The following WIPF3 variants were observed in gnomAD, a reference collection of about 807,000 sequenced individuals.
WIPF3 encodes WAS/WASL interacting protein family member 3, also known as WAS/WASL-interacting protein family member 3.
A neutral mutation model predicts 38.9 loss-of-function variants in WIPF3; 33 were observed. The ratio of observed to expected loss-of-function variants is 0.85; its 90% CI spans 0.64 to 1.14. The LOEUF is 1.14. Ranked by LOEUF, WIPF3 falls within the 50% of genes most tolerant of loss-of-function variation. WIPF3 has a pLI of 0.00. For missense variants in WIPF3, 711 were observed against 652.5 expected (o/e 1.09, Z -0.98); for synonymous variants, 324 against 269.3 (o/e 1.20, Z -1.99).
intron 2 of WIPF3, among the ~76,000 whole-genome samples, chr7:29,835,998 C>G (rs1784793622): frequency 6.6e-6 from 1 of 152,184 alleles, no homozygotes; most frequent in South Asian, 2.1e-4. Flanking sequence ...AGATGTCACC[C>G]CACGTGACAT....
At chr7:29,819,012 C>G (rs1784497933) in intron 1 of WIPF3, among the ~76,000 whole-genome samples, 1 of 152,120 alleles carries the variant, frequency 6.6e-6, no homozygotes, top group South Asian at 2.1e-4. Context: ...TTCATTTATG[C>G]TTATTATTTT....
rs897197764 is a variant in WIPF3, at chr7:29,915,417, T to C, written c.*901T>C. 7 of 152,220 alleles carry C rather than the reference T, an allele frequency of 4.6e-5. No homozygotes were observed. Among genetic ancestry groups the C allele is most frequent in the African/African-American group, 1.7e-4 (7 of 41,440 alleles). The allele number at this position is 152,220 out of a possible 1,614,324, so 9.4% of individuals were successfully genotyped here. ...TCCCCTTCTGCCCTTGCTTCGAGTG[T>C]GGACTTCCATGGAAAATATGACATG... On this transcript the variant is annotated 3_prime_UTR_variant, in exon 9 of 9. Transcript: ENST00000242140.
At chr7:29,888,500 C>CAT (rs1554347977) in intron 6 of WIPF3, among the ~76,000 whole-genome samples, 7 of 138,686 alleles carry the variant, frequency 5.0e-5, no homozygotes, top group South Asian at 2.2e-4. Flanking sequence ...TGTGCGTGTG[C>CAT]GTGTGTGTGC....
At chr7:29,863,063 T>C (rs928281266) in intron 2 of WIPF3, among the ~76,000 whole-genome samples, 12 of 152,220 alleles carry the variant, frequency 7.9e-5, no homozygotes, top group Non-Finnish European at 1.6e-4. Flanking sequence ...TTTGTTTTTA[T>C]TTATTTATTT....
rs1562791334 is a variant in WIPF3 at position 29,904,272 on chromosome 7, CT to C, written c.1352-8del. On this transcript the variant is annotated splice_polypyrimidine_tract_variant and intron_variant, in intron 7 of 8. Coordinates refer to ENST00000242140, the MANE Select transcript of WIPF3 (RefSeq NM_001080529.3). ...TGGGCCAATAGATAATGAGATTGTT[CT>C]TTTTTCCTTCAGGCCGTACACCTGG... 6.8e-6 allele frequency: 11 copies of C among 1,613,348 alleles called. No individual in the cohort carries two copies. The South Asian group carries it at 1.2e-4, about 18-fold the overall frequency.
At chr7:29,894,789 G>A (rs1446576201) in intron 7 of WIPF3, among the ~76,000 whole-genome samples, 2 of 135,796 alleles carry the variant, frequency 1.5e-5, no homozygotes, top group Non-Finnish European at 3.2e-5. Flanking sequence ...ACACACACAC[G>A]ACACACACAC....
At chr7:29,891,460 C>A (rs1786020546) in intron 7 of WIPF3, among the ~76,000 whole-genome samples, 1 of 152,206 alleles carries the variant, frequency 6.6e-6, no homozygotes, top group Admixed American at 6.5e-5. Flanking sequence ...AGAGATATAA[C>A]CCTGTGTGCC....
chr7:29,818,511 A>T (rs1042729905), intron 1 of WIPF3, among the ~76,000 whole-genome samples: 6 of 148,532 alleles, frequency 4.0e-5, no homozygotes, highest in African/African-American at 1.5e-4. Context: ...TATTTGATTT[A>T]ATTCTATAAA....
chr7:29,883,816 T>C (rs1785773045), intron 4 of WIPF3, 34 bp from the exon 5 acceptor site: 3 of 1,511,398 alleles, frequency 2.0e-6, no homozygotes, highest in East Asian at 2.3e-5. Context: ...CCTTCTTTAT[T>C]GCCGAGCTAA....
intron 1 of WIPF3, among the ~76,000 whole-genome samples, chr7:29,821,189 A>T (rs1021178699): frequency 2.0e-5 from 3 of 152,222 alleles, no homozygotes; most frequent in Non-Finnish European, 4.4e-5. Flanking sequence ...ATAAACTTTT[A>T]GGTCACACAT....
At chr7:29,841,744 G>A (rs572089818) in intron 2 of WIPF3, among the ~76,000 whole-genome samples, 4 of 152,152 alleles carry the variant, frequency 2.6e-5, no homozygotes, top group South Asian at 2.1e-4. Flanking sequence ...CCCAAGAGGC[G>A]GAGGTTGCAG....
chr7:29,831,504 T>G (rs1784721608), intron 1 of WIPF3, among the ~76,000 whole-genome samples: 1 of 152,250 alleles, frequency 6.6e-6, no homozygotes, highest in Admixed American at 6.5e-5. Flanking sequence ...ATCATCACGC[T>G]CTGTGTTCAT....
chr7:29,901,922 T>C (rs1325366650), intron 7 of WIPF3, among the ~76,000 whole-genome samples: 1 of 151,034 alleles, frequency 6.6e-6, no homozygotes, highest in Non-Finnish European at 1.5e-5. Flanking sequence ...TATTGCCTAG[T>C]GGTTCCCAAA....
chr7:29,879,690 C>T (rs79668147), intron 4 of WIPF3, among the ~76,000 whole-genome samples: 1 of 152,176 alleles, frequency 6.6e-6, no homozygotes, highest in Non-Finnish European at 1.5e-5. Flanking sequence ...GGTAGCTTTG[C>T]TAATCTTATA....
chr7:29,822,598 A>G (rs1437419065), intron 1 of WIPF3, among the ~76,000 whole-genome samples: 1 of 152,126 alleles, frequency 6.6e-6, no homozygotes, highest in Admixed American at 6.5e-5. Flanking sequence ...TTTCTTTGCC[A>G]AGGAGCTAGT....
At chr7:29,845,573 G>A (rs879469725) in intron 2 of WIPF3, among the ~76,000 whole-genome samples, 3 of 152,324 alleles carry the variant, frequency 2.0e-5, no homozygotes, top group Non-Finnish European at 2.9e-5. Context: ...CTGAATACGG[G>A]ATCCTGAAGT....
intron 7 of WIPF3, among the ~76,000 whole-genome samples, chr7:29,899,893 T>C (rs1786238709): frequency 6.6e-6 from 1 of 152,138 alleles, no homozygotes; most frequent in African/African-American, 2.4e-5. Flanking sequence ...AGACTAGAAA[T>C]ATGTACACCA....
intron 7 of WIPF3, among the ~76,000 whole-genome samples, chr7:29,893,845 T>C (rs1227009753): frequency 6.6e-6 from 1 of 152,154 alleles, no homozygotes; most frequent in Non-Finnish European, 1.5e-5. Context: ...TACACCCACC[T>C]GGCCCCTGAA....
At position 29,888,177 on chromosome 7, in the gene WIPF3, G is replaced by A. The variant is rs1334416871; in HGVS notation, c.1209G>A (p.Gln403=). ...QQATAWTPTQ[Q]PGGQLRNGSL... Reference sequence around the variant, plus strand: ...CCACAGCCTGGACCCCGACGCAGCAGCCTGGAGGTCAACTGCGAAATGGAA... The same window carrying A: ...CCACAGCCTGGACCCCGACGCAGCAACCTGGAGGTCAACTGCGAAATGGAA... The change falls in exon 6 of 9, where the codon CAG becomes CAA. Residue 403 remains glutamine (Q), a synonymous_variant. Coordinates refer to ENST00000242140, the MANE Select transcript of WIPF3 (RefSeq NM_001080529.3). The A allele has an allele frequency of 1.9e-6, 3 of 1,612,790 alleles. No homozygotes were observed. The highest frequency in any genetic ancestry group is 2.5e-6 in the Non-Finnish European group (3 of 1,179,450).
Sources: gnomAD v4.1 joint callset for allele counts (sites outside exome capture counted in the v4.1 genomes callset) on GRCh38, gnomAD v4.1.1 for gene constraint, MANE v1.5 for transcripts, NCBI Gene and HGNC (gene_info 2026-07-23, HGNC 2026-07-21) for gene names.